Variants in PRDM15 observed in about 807,000 individuals in gnomAD.
The protein encoded by PRDM15 is PR/SET domain 15.
A neutral mutation model predicts 128.6 loss-of-function variants in PRDM15; 64 were observed. That is an observed-to-expected ratio of 0.50 (90% CI 0.41 to 0.61). PRDM15 has a LOEUF of 0.61. Among genes scored for constraint, PRDM15 ranks in the 20% least tolerant of loss-of-function variants. The probability of loss-of-function intolerance (pLI) is 0.00; values close to 1 mark genes in which losing one functional copy is unlikely to be tolerated. For missense variants in PRDM15, 1,242 were observed against 1,569.1 expected, an observed-to-expected ratio of 0.79 and a Z score of 3.52; for synonymous variants, 615 against 621.8, an observed-to-expected ratio of 0.99 and a Z score of 0.16.
intron 18 of PRDM15, 124 bp downstream of exon 18, chr21:41,819,458 C>A (rs1489477009): frequency 2.0e-6 from 2 of 988,240 alleles, no homozygotes; most frequent in South Asian, 3.2e-5. Flanking sequence ...CCCGTGGCCC[C>A]GGCCCCCGCC....
chr21:41,821,741 G>A lies in PRDM15; in HGVS notation c.1896+162C>T, dbSNP rs1402680258. Among the ~76,000 whole-genome samples the A allele has an allele frequency of 1.3e-5, 2 of 152,224 alleles. No homozygotes were observed. Among genetic ancestry groups the A allele is most frequent in the Non-Finnish European group, 2.9e-5 (2 of 68,040 alleles). On this transcript the variant is annotated intron_variant, in intron 15 of 23. Coordinates refer to ENST00000398548, the MANE Select transcript of PRDM15 (RefSeq NM_001040424.3). This position sits in a 1 kb window ranked among gnomAD's most constrained non-coding sequence, Gnocchi z 5.4. ...GCTGGCCTTCCCAGGCACAAGTGAT[G>A]GACAGGCACCCAGTCTGCAGTAGGA...
chr21:41,874,902 T>TGGA (rs2064355954), intron 1 of PRDM15: 1 of 152,168 alleles, frequency 6.6e-6, no homozygotes, highest in South Asian at 2.1e-4. Context: ...TGTAAGGGTA[T>TGGA]GGAAGCAAGG....
At position 41,859,727 on chromosome 21, in the gene PRDM15, G is replaced by A. The variant is rs756354547; in HGVS notation, c.38-42C>T. 1.3e-6 allele frequency: 2 copies of A among 1,543,946 alleles called. No homozygotes were observed. The highest frequency in any genetic ancestry group is 1.8e-6 in the Non-Finnish European group (2 of 1,121,828). On this transcript the variant is annotated intron_variant, in intron 2 of 23. Transcript: ENST00000398548. This position sits in a 1 kb window ranked among gnomAD's most constrained non-coding sequence, Gnocchi z 5.3. ...GGGCATTAGAGCACCCAGGGAGGGA[G>A]ACACCTAAAGAACACAAACCTGGGA...
intron 21 of PRDM15, among the ~76,000 whole-genome samples, chr21:41,806,543 C>T (rs1184358825): frequency 6.4e-5 from 1 of 15,668 alleles, no homozygotes; most frequent in African/African-American, 2.9e-4. Flanking sequence ...ATCACTACCA[C>T]CAACATCACC....
At chr21:41,856,660 T>C (rs554876516) in intron 4 of PRDM15, among the ~76,000 whole-genome samples, 2 of 152,138 alleles carry the variant, frequency 1.3e-5, no homozygotes, top group Non-Finnish European at 2.9e-5. Flanking sequence ...ACATCTTAGT[T>C]TTCTCGAGTT....
Position 41,826,960 on chromosome 21 carries a change from CCA to C in PRDM15, c.1535-908_1535-907del, listed in dbSNP as rs199870972. Among the ~76,000 whole-genome samples, 1,167 of 152,312 alleles carry C rather than the reference CCA, an allele frequency of 7.7e-3. 12 individuals carry two copies. The highest frequency in any genetic ancestry group is 0.012 in the Non-Finnish European group (800 of 68,026). On this transcript the variant is annotated intron_variant, in intron 12 of 23. Transcript: ENST00000398548. ...GGAAACAGCTGACTTCTGGCAGCATCCACAGTTACTGGCATTTATGGGCGCTT... is the reference window on the plus strand; with the variant it reads ...GGAAACAGCTGACTTCTGGCAGCATCCAGTTACTGGCATTTATGGGCGCTT...
rs780581037 is a variant in PRDM15, at chr21:41,801,399, C to A, written c.3267G>T (p.Thr1089=). 6.2e-7 allele frequency: 1 copy of A among 1,613,536 alleles called. No individual in the cohort carries two copies. The highest frequency in any genetic ancestry group is 8.5e-7 in the Non-Finnish European group (1 of 1,179,602). ...GGTCACTAAGCTGGCTCCCCAGGGGCGTGATGGAGTTGACCAGGGTCGTCA... is the reference window on the plus strand; with the variant it reads ...GGTCACTAAGCTGGCTCCCCAGGGGAGTGATGGAGTTGACCAGGGTCGTCA... The part of the protein sequence containing the change: ...INLTTLVNSI[T]PLGSQLSDQH... Residue 1089 remains threonine (T), a synonymous_variant, in exon 24 of 24, where the codon ACG becomes ACT. Coordinates refer to ENST00000398548, the MANE Select transcript of PRDM15 (RefSeq NM_001040424.3).
intron 6 of PRDM15, among the ~76,000 whole-genome samples, chr21:41,846,438 T>G (rs555126723): frequency 1.1e-3 from 172 of 152,356 alleles, no homozygotes; most frequent in South Asian, 1.9e-3. Context: ...GCACGGTGGC[T>G]CACGCCTGTA....
At chr21:41,829,471 A>G (rs1180300900) in intron 11 of PRDM15, among the ~76,000 whole-genome samples, 1 of 151,882 alleles carries the variant, frequency 6.6e-6, no homozygotes, top group Non-Finnish European at 1.5e-5. Context: ...TGCAAGCCCC[A>G]CACAAATGCA....
chr21:41,820,162 G>A lies in PRDM15; in HGVS notation c.2073C>T (p.Pro691=). 1 of 1,613,722 alleles carries A rather than the reference G, an allele frequency of 6.2e-7. No individual in the cohort carries two copies. The highest frequency in any genetic ancestry group is 8.5e-7 in the Non-Finnish European group (1 of 1,179,842). Residue 691 remains proline, a synonymous_variant, in exon 17 of 24, where the codon CCC becomes CCT. Transcript: ENST00000398548. ...PDPNVQKYIH[P]CEICGRIFNS... ...TGAAGATCCGCCCGCAGATCTCGCA[G>A]GGGTGGATGTACCTGAAACCAGAGA...
chr21:41,810,035 C>T lies in PRDM15; in HGVS notation c.2652+119G>A. ...GTGCCAGTCACAGACGCACCTAAGA[C>T]TCAGGGCCTGCCTCCAGTACTGGGG... On this transcript the variant is annotated intron_variant, in intron 21 of 23. Coordinates refer to ENST00000398548, the MANE Select transcript of PRDM15 (RefSeq NM_001040424.3). The surrounding 1 kb of genome is among the most constrained non-coding windows in gnomAD (Gnocchi z 6.4). 9.7e-7 allele frequency: 1 copy of T among 1,026,680 alleles called. No homozygotes were observed. Among genetic ancestry groups the T allele is most frequent in the Non-Finnish European group, 1.4e-6 (1 of 709,380 alleles). 63.6% of individuals were successfully genotyped at this position (1,026,680 alleles called of 1,614,324 possible). A position where few individuals can be genotyped will look rare whatever the true frequency, so the allele number is the denominator to read the frequency against.
Position 41,801,660 on chromosome 21 carries a change from G to A in PRDM15, c.3006C>T (p.Asn1002=), listed in dbSNP as rs142104135. The change falls in exon 24 of 24, where the codon AAC becomes AAT. Residue 1002 remains asparagine, a synonymous_variant. Coordinates refer to ENST00000398548, the MANE Select transcript of PRDM15 (RefSeq NM_001040424.3). ...CAGTGGTGATGGGGGTCACGGTGAT[G>A]TTGGTTAAGCCGACTGAGCTCGATG... ...TTPSSSVGLT[N]ITVTPITTAA... 2.5e-6 allele frequency: 4 copies of A among 1,614,054 alleles called. No homozygotes were observed. The African/African-American group carries it at 4.0e-5, about 16-fold the overall frequency.
chr21:41,814,479 C>G (rs1568904696), intron 19 of PRDM15: 2 of 127,482 alleles, frequency 1.6e-5, no homozygotes, highest in Admixed American at 7.8e-5. Flanking sequence ...GCAGGGTGCT[C>G]TAGTGTGTTA....
At position 41,810,651 on chromosome 21, in the gene PRDM15, G is replaced by A. The variant is rs191372036; in HGVS notation, c.2476+102C>T. 1,165 of 954,504 alleles carry A rather than the reference G, an allele frequency of 1.2e-3. 2 individuals are homozygous for A. The highest frequency in any genetic ancestry group is 1.7e-3 in the Non-Finnish European group (1,034 of 595,868). The allele number at this position is 954,504 out of a possible 1,614,324, so 59.1% of individuals were successfully genotyped here. A position where few individuals can be genotyped will look rare whatever the true frequency, so the allele number is the denominator to read the frequency against. On this transcript the variant is annotated intron_variant, in intron 20 of 23. Transcript: ENST00000398548. The surrounding 1 kb of genome is among the most constrained non-coding windows in gnomAD (Gnocchi z 6.4). ...AGACAACACTAAATGTGCTGGAACC[G>A]TCTAGATAATAGAATAGTCGTTTCC...
intron 11 of PRDM15, among the ~76,000 whole-genome samples, chr21:41,833,599 C>G (rs1029628272): frequency 2.6e-5 from 4 of 152,216 alleles, no homozygotes; most frequent in African/African-American, 9.6e-5. Flanking sequence ...CAAACAAGCT[C>G]CATTTCAAGG....
intron 6 of PRDM15, among the ~76,000 whole-genome samples, chr21:41,840,341 G>A (rs2063036054): frequency 6.6e-6 from 1 of 151,998 alleles, no homozygotes; most frequent in Admixed American, 6.6e-5. Flanking sequence ...AGCCACTGGG[G>A]AGGCTGAGGC....
rs61045274 is a variant in PRDM15, at chr21:41,874,525, A to ATTTT, written c.-10+4741_-10+4744dup. Among the ~76,000 whole-genome samples, 840 of 95,760 alleles carry ATTTT rather than the reference A, an allele frequency of 8.8e-3. 27 individuals carry two copies. Among genetic ancestry groups the ATTTT allele is most frequent in the East Asian group, 0.07 (256 of 3,668 alleles). 62.8% of individuals were successfully genotyped at this position (95,760 alleles called of 152,430 possible). A position where few individuals can be genotyped will look rare whatever the true frequency, so the allele number is the denominator to read the frequency against. On this transcript the variant is annotated intron_variant, in intron 1 of 23. Transcript: ENST00000398548. ...TGCATATATATATATATATATATATATTTTTTTTTTTTTTTGAAACTTACA... is the reference window on the plus strand; with the variant it reads ...TGCATATATATATATATATATATATATTTTTTTTTTTTTTTTTTTGAAACTTACA...
chr21:41,825,290 C>T (rs2062428481), intron 13 of PRDM15, among the ~76,000 whole-genome samples: 1 of 152,272 alleles, frequency 6.6e-6, no homozygotes, highest in South Asian at 2.1e-4. Flanking sequence ...AGGACCACGG[C>T]ATGGACCCCA....
chr21:41,879,205 G>T lies in PRDM15; in HGVS notation c.-10+65C>A. 1 of 778,186 alleles carries T rather than the reference G, an allele frequency of 1.3e-6. No homozygotes were observed. Among genetic ancestry groups the T allele is most frequent in the Non-Finnish European group, 1.6e-6 (1 of 643,008 alleles). The allele number at this position is 778,186 out of a possible 1,614,324, so 48.2% of individuals were successfully genotyped here. A position where few individuals can be genotyped will look rare whatever the true frequency, so the allele number is the denominator to read the frequency against. ...GCGCCGGGGCTCGCGGGGGCAGCGG[G>T]TGCGGCCCGGGGCCGGCGGGGCGCA... On this transcript the variant is annotated intron_variant, in intron 1 of 23. Transcript: ENST00000398548. This position sits in a 1 kb window ranked among gnomAD's most constrained non-coding sequence, Gnocchi z 5.1.
Sources: allele counts gnomAD v4.1 joint callset (sites outside exome capture counted in the v4.1 genomes callset), GRCh38; gene constraint gnomAD v4.1.1; non-coding constraint Gnocchi (gnomAD v3.1); transcripts MANE v1.5; gene names NCBI Gene and HGNC (gene_info 2026-07-23, HGNC 2026-07-21).